UGT2B17: variants seen among roughly 807,000 people sequenced by gnomAD.
UGT2B17 encodes UDP-glucuronosyltransferase 2B17.
In UGT2B17, 21 loss-of-function variants were observed where a neutral mutation model predicts 48.2. The ratio of observed to expected loss-of-function variants is 0.44; its 90% CI spans 0.31 to 0.63. The LOEUF (loss-of-function observed/expected upper bound fraction) is 0.63. Among genes scored for constraint, UGT2B17 ranks in the 20% least tolerant of loss-of-function variants. The probability of loss-of-function intolerance (pLI) is 0.08; values close to 1 mark genes in which losing one functional copy is unlikely to be tolerated. For missense variants in UGT2B17, 402 were observed against 696.1 expected (o/e 0.58, Z 4.75); for synonymous variants, 146 against 238.4 (o/e 0.61, Z 3.57).
intron 6 of UGT2B17, among the ~76,000 whole-genome samples, chr4:68,539,693 T>G (rs1730618729): frequency 8.1e-6 from 1 of 124,022 alleles, no homozygotes; most frequent in African/African-American, 2.8e-5. Context: ...AACATACTAT[T>G]TTTATGAATT....
In UGT2B17 at chr4:68,550,963, A is replaced by T. The variant is rs1730904620; in HGVS notation, c.1094-67T>A. On this transcript the variant is annotated intron_variant, in intron 5 of 6. Coordinates refer to ENST00000317746, the MANE Select transcript of UGT2B17 (RefSeq NM_001077.4). ...CACAGGAATTGAATAAGAAATGCAC[A>T]ATATAAGGAACTTAAAGCAAAACTG... is the stretch of plus-strand genomic sequence containing the variant. The T allele has an allele frequency of 1.7e-6, 2 of 1,193,642 alleles. 1 individual carries two copies. Among genetic ancestry groups the T allele is most frequent in the South Asian group, 4.3e-5 (2 of 46,174 alleles). The allele number at this position is 1,193,642 out of a possible 1,614,324, so 73.9% of individuals were successfully genotyped here. A position where few individuals can be genotyped will look rare whatever the true frequency, so the allele number is the denominator to read the frequency against.
In UGT2B17 at chr4:68,541,321, C is replaced by A. The variant is rs1261364174; in HGVS notation, c.1314-3417G>T. Among the ~76,000 whole-genome samples the A allele has an allele frequency of 1.6e-5, 2 of 126,166 alleles. 1 individual carries two copies. Among genetic ancestry groups the A allele is most frequent in the African/African-American group, 5.4e-5 (2 of 37,044 alleles). 82.8% of individuals were successfully genotyped at this position (126,166 alleles called of 152,430 possible). ...TTCACCAGCATCTGTTGTTTTTTGACTTTTTAATCATCTCCATTCTGACTG... is the reference window on the plus strand; with the variant it reads ...TTCACCAGCATCTGTTGTTTTTTGAATTTTTAATCATCTCCATTCTGACTG... On this transcript the variant is annotated intron_variant, in intron 6 of 6. Transcript: ENST00000317746.
At chr4:68,561,924 C>T (rs1731110907) in intron 3 of UGT2B17, among the ~76,000 whole-genome samples, 1 of 122,804 alleles carries the variant, frequency 8.1e-6, no homozygotes, top group African/African-American at 2.8e-5. Context: ...CTTTTTTTCT[C>T]AGTAAAATAA....
rs1730861460 is a variant in UGT2B17, at chr4:68,548,525, T to C, written c.1313+2152A>G. On this transcript the variant is annotated intron_variant, in intron 6 of 6. Coordinates refer to ENST00000317746, the MANE Select transcript of UGT2B17 (RefSeq NM_001077.4). ...CACCAACATGGCACATGTATACATA[T>C]GTAGCAAAGCTGCACCTTGTGCACA... Among the ~76,000 whole-genome samples, 3 of 124,880 alleles carry C rather than the reference T, an allele frequency of 2.4e-5. 1 individual carries two copies. Among genetic ancestry groups the C allele is most frequent in the South Asian group, 7.5e-4 (2 of 2,656 alleles). The allele number at this position is 124,880 out of a possible 152,430, so 81.9% of individuals were successfully genotyped here. A position where few individuals can be genotyped will look rare whatever the true frequency, so the allele number is the denominator to read the frequency against.
rs1351874097 is a variant in UGT2B17 at position 68,539,585 on chromosome 4, C to T, written c.1314-1681G>A. 5.7e-5 allele frequency among the ~76,000 whole-genome samples: 7 copies of T among 123,458 alleles called. 1 individual carries two copies. The highest frequency in any genetic ancestry group is 1.0e-4 in the Non-Finnish European group (6 of 59,016). 81.0% of individuals were successfully genotyped at this position (123,458 alleles called of 152,430 possible). On this transcript the variant is annotated intron_variant, in intron 6 of 6. Coordinates refer to ENST00000317746, the MANE Select transcript of UGT2B17 (RefSeq NM_001077.4). ...CATATTTATAATTAGAATTTTTTGA[C>T]TGAATTTTTTAAAAAATATTTTTTA... is the stretch of plus-strand genomic sequence containing the variant.
rs1482739096 is a variant in UGT2B17 at position 68,564,295 on chromosome 4, T to TATA, written c.873+1276_873+1277insTAT. 1.9e-4 allele frequency among the ~76,000 whole-genome samples: 13 copies of TATA among 67,604 alleles called. 1 individual carries two copies. Among genetic ancestry groups the TATA allele is most frequent in the African/African-American group, 1.1e-3 (9 of 8,440 alleles). The allele number at this position is 67,604 out of a possible 152,430, so 44.4% of individuals were successfully genotyped here. A position where few individuals can be genotyped will look rare whatever the true frequency, so the allele number is the denominator to read the frequency against. ...TTTCATATATATATATATATATATA[T>TATA]TTTTTTTTTTTGAGACAGAGTCTCA... On this transcript the variant is annotated intron_variant, in intron 3 of 6. Transcript: ENST00000317746.
At chr4:68,567,418 G>T (rs1366851375) in intron 2 of UGT2B17, among the ~76,000 whole-genome samples, 1 of 126,566 alleles carries the variant, frequency 7.9e-6, no homozygotes, top group Non-Finnish European at 1.7e-5. Flanking sequence ...TATAAAATTT[G>T]TATGTCTGCC....
rs1245306003 is a variant in UGT2B17 at position 68,552,057 on chromosome 4, A to G, written c.1006-146T>C. 9 of 534,608 alleles carry G rather than the reference A, an allele frequency of 1.7e-5. 3 individuals carry two copies. Among genetic ancestry groups the G allele is most frequent in the African/African-American group, 2.0e-5 (1 of 49,380 alleles). The allele number at this position is 534,608 out of a possible 1,614,324, so 33.1% of individuals were successfully genotyped here. A position where few individuals can be genotyped will look rare whatever the true frequency, so the allele number is the denominator to read the frequency against. On this transcript the variant is annotated intron_variant, in intron 4 of 6. Coordinates refer to ENST00000317746, the MANE Select transcript of UGT2B17 (RefSeq NM_001077.4). ...TGATGTCAAGTAATGAGAACTACTA[A>G]AAGTCTGAGGTAAGCTGAATACCCA...
rs1449853171 is a variant in UGT2B17, at chr4:68,554,437, T to A, written c.1006-2526A>T. On this transcript the variant is annotated intron_variant, in intron 4 of 6. Coordinates refer to ENST00000317746, the MANE Select transcript of UGT2B17 (RefSeq NM_001077.4). Reference sequence around the variant, plus strand: ...TAGAGTTCCTAAGTTCTCTCTTTTTTAAAAATTTTCTTTTATTCTTGCTTT... The same window carrying A: ...TAGAGTTCCTAAGTTCTCTCTTTTTAAAAAATTTTCTTTTATTCTTGCTTT... Among the ~76,000 whole-genome samples the A allele has an allele frequency of 5.6e-5, 7 of 125,900 alleles. 1 individual carries two copies. The highest frequency in any genetic ancestry group is 1.6e-4 in the African/African-American group (6 of 36,944). The allele number at this position is 125,900 out of a possible 152,430, so 82.6% of individuals were successfully genotyped here.
Position 68,567,557 on chromosome 4 carries a change from T to C in UGT2B17, c.724+204A>G, listed in dbSNP as rs1255255160. Among the ~76,000 whole-genome samples, 5 of 125,592 alleles carry C rather than the reference T, an allele frequency of 4.0e-5. 1 individual carries two copies. Among genetic ancestry groups the C allele is most frequent in the Non-Finnish European group, 6.7e-5 (4 of 59,374 alleles). 82.4% of individuals were successfully genotyped at this position (125,592 alleles called of 152,430 possible). The stretch of plus-strand genomic sequence containing the variant: ...TTGAAGGTTTATGACTCTCTTGGTG[T>C]CCTATAGCAGTGATGGCACCAGGGT... On this transcript the variant is annotated intron_variant, in intron 2 of 6. Transcript: ENST00000317746.
At chr4:68,539,893 T>C (rs1730623096) in intron 6 of UGT2B17, among the ~76,000 whole-genome samples, 1 of 118,682 alleles carries the variant, frequency 8.4e-6, no homozygotes, top group Non-Finnish European at 1.7e-5. Context: ...CAAGTGATTC[T>C]CATGCCTCAA....
intron 4 of UGT2B17, among the ~76,000 whole-genome samples, chr4:68,559,243 C>T (rs1284424451): frequency 8.0e-6 from 1 of 125,440 alleles, no homozygotes; most frequent in Admixed American, 8.2e-5. Flanking sequence ...TTAAACTGCA[C>T]ATATGGTGAG....
At position 68,568,135 on chromosome 4, in the gene UGT2B17, C is replaced by A; in HGVS notation, c.350G>T (p.Cys117Phe). The A allele has an allele frequency of 4.3e-6, 6 of 1,381,986 alleles. 1 individual carries two copies. Among genetic ancestry groups the A allele is most frequent in the Non-Finnish European group, 5.7e-6 (6 of 1,055,158 alleles). The allele number at this position is 1,381,986 out of a possible 1,614,324, so 85.6% of individuals were successfully genotyped here. A position where few individuals can be genotyped will look rare whatever the true frequency, so the allele number is the denominator to read the frequency against. Residue 117 changes from cysteine to phenylalanine, a missense_variant, in exon 2 of 7, where the codon TGT (cysteine) becomes TTT (phenylalanine). Transcript: ENST00000317746. ...TATATTATAGTCAGAATATTCCCAA[C>A]ACAATTCTTGTAGTTGTGAAAAATA... Reference protein sequence around the residue: ...WSYFSQLQELCWEYSDYNIKL... With the variant: ...WSYFSQLQELFWEYSDYNIKL...
rs1325824750 is a variant in UGT2B17, at chr4:68,539,697, A to G, written c.1314-1793T>C. On this transcript the variant is annotated intron_variant, in intron 6 of 6. Transcript: ENST00000317746. ...AGTATGACTAGAACATACTATTTTT[A>G]TGAATTTGAATCTTATACAATTTAC... is the stretch of plus-strand genomic sequence containing the variant. 3.3e-5 allele frequency among the ~76,000 whole-genome samples: 4 copies of G among 122,288 alleles called. 1 individual carries two copies. The highest frequency in any genetic ancestry group is 3.4e-5 in the Non-Finnish European group (2 of 58,550). The allele number at this position is 122,288 out of a possible 152,430, so 80.2% of individuals were successfully genotyped here.
chr4:68,551,725 C>T, intron 5 of UGT2B17, 99 bp downstream of exon 5: 3 of 852,626 alleles, frequency 3.5e-6, no homozygotes, highest in Non-Finnish European at 3.1e-6. Context: ...TTTTAGTTTT[C>T]CAATAATAAA....
chr4:68,568,047 A>G lies in UGT2B17; in HGVS notation c.438T>C (p.Phe146=), dbSNP rs1731235392. Reference sequence around the variant, plus strand: ...TAACGGCATCTGCCAGAAGGACATCAAATTTTGACTCTTGTAGTTTTCTCA... The same window carrying G: ...TAACGGCATCTGCCAGAAGGACATCGAATTTTGACTCTTGTAGTTTTCTCA... ...KLMRKLQESK[F]DVLLADAVNP... Residue 146 remains phenylalanine, a synonymous_variant, in exon 2 of 7, where the codon TTT becomes TTC. Transcript: ENST00000317746. The G allele has an allele frequency of 7.2e-7, 1 of 1,382,858 alleles. No individual in the cohort carries two copies. Among genetic ancestry groups the G allele is most frequent in the African/African-American group, 1.5e-5 (1 of 67,864 alleles). The allele number at this position is 1,382,858 out of a possible 1,614,324, so 85.7% of individuals were successfully genotyped here.
At chr4:68,550,373 T>C (rs1320575492) in intron 6 of UGT2B17, among the ~76,000 whole-genome samples, 1 of 125,916 alleles carries the variant, frequency 7.9e-6, no homozygotes, top group Non-Finnish European at 1.7e-5. Context: ...TATTTTATCA[T>C]ATTTCTCTAG....
chr4:68,561,989 A>G (rs1731112000), intron 3 of UGT2B17, among the ~76,000 whole-genome samples: 1 of 124,666 alleles, frequency 8.0e-6, no homozygotes, highest in Non-Finnish European at 1.7e-5. Flanking sequence ...TCATTGGGGG[A>G]AATTTCTTTA....
rs1731224220 is a variant in UGT2B17, at chr4:68,567,709, A to C, written c.724+52T>G. 3.3e-6 allele frequency: 4 copies of C among 1,202,954 alleles called. 1 individual carries two copies. In the African/African-American group the frequency reaches 6.4e-5, roughly 19 times the overall value. The allele number at this position is 1,202,954 out of a possible 1,614,324, so 74.5% of individuals were successfully genotyped here. On this transcript the variant is annotated intron_variant, in intron 2 of 6. Coordinates refer to ENST00000317746, the MANE Select transcript of UGT2B17 (RefSeq NM_001077.4). ...TTATATTTATATAAGCCCACCTTCA[A>C]AGGCACAGGAAAATTAGAACTTAAT...
Sources: allele counts gnomAD v4.1 joint callset (sites outside exome capture counted in the v4.1 genomes callset), GRCh38; gene constraint gnomAD v4.1.1; transcripts MANE v1.5; gene names NCBI Gene and HGNC (gene_info 2026-07-23, HGNC 2026-07-21).